The following OPCML variants were observed in gnomAD, a reference collection of about 807,000 sequenced individuals.
The protein encoded by OPCML is opioid binding protein/cell adhesion molecule like.
Under a neutral mutation model 37.8 loss-of-function variants are expected in OPCML, and 13 were observed. That is an observed-to-expected ratio of 0.34 (90% confidence interval 0.22 to 0.55). OPCML has a LOEUF of 0.55. OPCML is among the 20% of genes least tolerant of loss of function. The pLI, the probability that OPCML is intolerant of heterozygous loss-of-function variation, is 0.91. For synonymous variants in OPCML, 176 were observed against 168.8 expected, an observed-to-expected ratio of 1.04 and a Z score of -0.33; for missense variants, 341 against 435.6, an observed-to-expected ratio of 0.78 and a Z score of 1.93.
chr11:133,478,532 C>T (rs1167159291), intron 1 of OPCML, among the ~76,000 whole-genome samples: 1 of 152,090 alleles, frequency 6.6e-6, no homozygotes, highest in Non-Finnish European at 1.5e-5. Context: ...AAATATACCA[C>T]CTGTACTGCT....
intron 1 of OPCML, among the ~76,000 whole-genome samples, chr11:133,251,143 G>GA (rs1261092399): frequency 2.6e-5 from 4 of 152,244 alleles, no homozygotes; most frequent in Admixed American, 1.3e-4. Context: ...GATTATTGGA[G>GA]AAATATATTC....
intron 1 of OPCML, among the ~76,000 whole-genome samples, chr11:133,240,769 T>A (rs1307542473): frequency 6.6e-6 from 1 of 152,204 alleles, no homozygotes; most frequent in Non-Finnish European, 1.5e-5. Flanking sequence ...GTTCTCCTCA[T>A]CACCTCCTTC....
intron 1 of OPCML, among the ~76,000 whole-genome samples, chr11:132,948,970 C>T (rs1359750191): frequency 6.6e-6 from 1 of 152,162 alleles, no homozygotes; most frequent in Non-Finnish European, 1.5e-5. Context: ...CAAGAGAGAC[C>T]ACTGGCTAGC....
Position 133,532,285 on chromosome 11 carries a change from T to C in OPCML, c.40A>G (p.Thr14Ala), listed in dbSNP as rs949383042. ...PAYWVVFSATTALLFIPGVPV... is the reference protein window; with the variant it reads ...PAYWVVFSATAALLFIPGVPV... ...GTACCTGGGATGAAGAGCAGGGCAG[T>C]TGTCGCCGAGAAGACGACCCAGTAG... Residue 14 changes from threonine (T) to alanine (A), a missense_variant, in exon 1 of 8, where the codon ACT becomes GCT. By Grantham distance (58) the Thr-to-Ala change is moderately conservative. Coordinates refer to ENST00000524381, the MANE Select transcript of OPCML (RefSeq NM_001012393.5). 3 of 1,613,996 alleles carry C rather than the reference T, an allele frequency of 1.9e-6. No homozygotes were observed. Among genetic ancestry groups the C allele is most frequent in the Non-Finnish European group, 2.5e-6 (3 of 1,179,972 alleles).
chr11:133,408,602 C>G (rs1479482402), intron 1 of OPCML, among the ~76,000 whole-genome samples: 1 of 152,176 alleles, frequency 6.6e-6, no homozygotes, highest in Admixed American at 6.5e-5. Flanking sequence ...GGAGTCAGTC[C>G]TGGACACGAC....
chr11:132,852,150 C>A (rs1941839479), intron 2 of OPCML, among the ~76,000 whole-genome samples: 1 of 152,126 alleles, frequency 6.6e-6, no homozygotes, highest in Non-Finnish European at 1.5e-5. Context: ...TTCTTATCTG[C>A]CTTATTTTAG....
At chr11:133,377,208 A>G (rs1182512478) in intron 1 of OPCML, among the ~76,000 whole-genome samples, 1 of 152,122 alleles carries the variant, frequency 6.6e-6, no homozygotes, top group Non-Finnish European at 1.5e-5. Flanking sequence ...AAGAATGAAC[A>G]TAGCTGAAGT....
chr11:133,384,529 T>A (rs1565606041), intron 1 of OPCML, among the ~76,000 whole-genome samples: 1 of 152,218 alleles, frequency 6.6e-6, no homozygotes, highest in Non-Finnish European at 1.5e-5. Context: ...GATTTACTCC[T>A]TCTCTCTGGC....
intron 2 of OPCML, among the ~76,000 whole-genome samples, chr11:132,799,438 A>G (rs1280916399): frequency 6.6e-6 from 1 of 152,100 alleles, no homozygotes; most frequent in East Asian, 1.9e-4. Context: ...TTAGGGTCTT[A>G]TGGAGAAGGA....
intron 1 of OPCML, among the ~76,000 whole-genome samples, chr11:133,129,381 G>A (rs1055402097): frequency 1.1e-4 from 16 of 152,108 alleles, no homozygotes; most frequent in East Asian, 1.9e-4. Flanking sequence ...GTAATGCACC[G>A]GATATTGGGT....
At chr11:132,834,535 C>T (rs556890863) in intron 2 of OPCML, among the ~76,000 whole-genome samples, 2 of 152,168 alleles carry the variant, frequency 1.3e-5, no homozygotes, top group South Asian at 4.1e-4. Context: ...TTCTAGCATG[C>T]GACAGCCCCA....
intron 2 of OPCML, among the ~76,000 whole-genome samples, chr11:132,662,599 G>T (rs1942032108): frequency 6.6e-6 from 1 of 152,152 alleles, no homozygotes; most frequent in African/African-American, 2.4e-5. Flanking sequence ...GTTTCAGAAG[G>T]ATACCTGGAT....
intron 1 of OPCML, among the ~76,000 whole-genome samples, chr11:133,260,058 G>T (rs898614486): frequency 1.3e-5 from 2 of 151,946 alleles, no homozygotes; most frequent in Admixed American, 6.6e-5. Context: ...TTAGGGATAC[G>T]ATTTTATGTA....
At chr11:132,555,417 C>A (rs942879840) in intron 3 of OPCML, among the ~76,000 whole-genome samples, 1 of 151,964 alleles carries the variant, frequency 6.6e-6, no homozygotes, top group Non-Finnish European at 1.5e-5. Flanking sequence ...ACCATCAGAT[C>A]CCATGAGACT....
intron 3 of OPCML, among the ~76,000 whole-genome samples, chr11:132,608,718 A>G (rs553554243): frequency 5.5e-4 from 83 of 152,192 alleles, no homozygotes; most frequent in Non-Finnish European, 1.0e-3. Flanking sequence ...ACCAGTGGGT[A>G]TACTCCAGGA....
chr11:133,118,367 G>A, intron 1 of OPCML: 1 of 982,880 alleles, frequency 1.0e-6, no homozygotes, highest in Non-Finnish European at 1.2e-6. Flanking sequence ...GTTTAACGGT[G>A]AGAGTTATAA....
At chr11:132,865,099 T>C (rs543569314) in intron 2 of OPCML, among the ~76,000 whole-genome samples, 1 of 152,366 alleles carries the variant, frequency 6.6e-6, no homozygotes, top group African/African-American at 2.4e-5. Flanking sequence ...TCATTCTTTT[T>C]TCCTTTTTAA....
At chr11:133,168,312 AG>A (rs1381119210) in intron 1 of OPCML, among the ~76,000 whole-genome samples, 1 of 152,178 alleles carries the variant, frequency 6.6e-6, no homozygotes, top group African/African-American at 2.4e-5. Context: ...AGAAGGTCAG[AG>A]GCAGGGAAAC....
chr11:132,992,952 C>G (rs1037121435), intron 1 of OPCML, among the ~76,000 whole-genome samples: 6 of 152,266 alleles, frequency 3.9e-5, no homozygotes, highest in African/African-American at 1.4e-4. Flanking sequence ...TGCCCCCACT[C>G]TTGCTCTTTC....
Sources: gnomAD v4.1 joint callset for allele counts (sites outside exome capture counted in the v4.1 genomes callset) on GRCh38, gnomAD v4.1.1 for gene constraint, MANE v1.5 for transcripts, NCBI Gene and HGNC (gene_info 2026-07-23, HGNC 2026-07-21) for gene names.